Variants in FAM13C observed in about 807,000 individuals in gnomAD.
FAM13C encodes family with sequence similarity 13 member C.
Under a neutral mutation model 73.2 loss-of-function variants are expected in FAM13C, and 37 were observed. That is an observed-to-expected ratio of 0.51 (90% CI 0.39 to 0.67). The LOEUF (loss-of-function observed/expected upper bound fraction) is 0.67, where lower values mean the gene tolerates loss of function less well. FAM13C is among the 30% of genes least tolerant of loss of function. FAM13C has a pLI of 0.00. For missense variants in FAM13C, 589 were observed against 715.6 expected (o/e 0.82, Z 2.02); for synonymous variants, 246 against 260.9 (o/e 0.94, Z 0.55).
chr10:59,303,530 A>G (rs1039969227), intron 4 of FAM13C, among the ~76,000 whole-genome samples: 1 of 152,242 alleles, frequency 6.6e-6, no homozygotes, highest in Non-Finnish European at 1.5e-5. Context: ...TCTGCTGAAG[A>G]CAGCTTATGG....
chr10:59,287,451 C>A (rs899764451), intron 5 of FAM13C, among the ~76,000 whole-genome samples: 1 of 146,686 alleles, frequency 6.8e-6, no homozygotes, highest in African/African-American at 2.5e-5. Flanking sequence ...GGCTAGCATT[C>A]TTTCTTTAAC....
chr10:59,344,179 G>A (rs529559938), intron 3 of FAM13C, among the ~76,000 whole-genome samples: 2 of 151,030 alleles, frequency 1.3e-5, no homozygotes, highest in Non-Finnish European at 2.9e-5. Flanking sequence ...AGCCAGGATG[G>A]TCTCGATTTC....
At chr10:59,338,682 G>A (rs1853088660) in intron 3 of FAM13C, among the ~76,000 whole-genome samples, 1 of 152,148 alleles carries the variant, frequency 6.6e-6, no homozygotes. Context: ...CCCCAAGGTA[G>A]AAGTCCCCAC....
intron 5 of FAM13C, among the ~76,000 whole-genome samples, chr10:59,285,589 C>T (rs1335996746): frequency 1.3e-5 from 2 of 152,186 alleles, no homozygotes; most frequent in Non-Finnish European, 2.9e-5. Context: ...AATTTCATTG[C>T]TGCATATCTA....
intron 3 of FAM13C, among the ~76,000 whole-genome samples, chr10:59,344,116 C>A (rs2446726): frequency 2.2e-4 from 34 of 151,442 alleles, no homozygotes; most frequent in African/African-American, 8.0e-4. Context: ...CACCCGCCAC[C>A]ACGCCCAGCT....
At chr10:59,275,567 T>C (rs1005224021) in intron 6 of FAM13C, among the ~76,000 whole-genome samples, 2 of 152,210 alleles carry the variant, frequency 1.3e-5, no homozygotes, top group Admixed American at 6.5e-5. Flanking sequence ...AAAGTGGTAA[T>C]TGACAACTCT....
In FAM13C at chr10:59,265,335, G is replaced by GGGGGGGGGGA. The variant is rs78422182; in HGVS notation, c.943-1170_943-1169insTCCCCCCCCC. On this transcript the variant is annotated intron_variant, in intron 8 of 13. Transcript: ENST00000618804. Reference sequence around the variant, plus strand: ...AAGGGGTTTTGGCGGGGGGGGGGGGGAATCCTGGTTTCAGGACCATGGACA... The same window carrying GGGGGGGGGGA: ...AAGGGGTTTTGGCGGGGGGGGGGGGGGGGGGGGGGAAATCCTGGTTTCAGGACCATGGACA... 3.1e-4 allele frequency among the ~76,000 whole-genome samples: 5 copies of GGGGGGGGGGA among 16,054 alleles called. 1 individual carries two copies. The highest frequency in any genetic ancestry group is 1.3e-3 in the Admixed American group (1 of 746). The allele number at this position is 16,054 out of a possible 152,430, so 10.5% of individuals were successfully genotyped here.
Position 59,247,447 on chromosome 10 carries a change from C to T in FAM13C, c.*167G>A, listed in dbSNP as rs1840812744. 2.5e-6 allele frequency: 2 copies of T among 793,798 alleles called. No individual in the cohort carries two copies. The highest frequency in any genetic ancestry group is 4.0e-6 in the Non-Finnish European group (2 of 498,866). The allele number at this position is 793,798 out of a possible 1,614,324, so 49.2% of individuals were successfully genotyped here. A position where few individuals can be genotyped will look rare whatever the true frequency, so the allele number is the denominator to read the frequency against. On this transcript the variant is annotated 3_prime_UTR_variant, in exon 14 of 14. Transcript: ENST00000618804. Reference sequence around the variant, plus strand: ...TGTATTCTTCCCCCCGTTTAAATCCCTTCTCCTTGTATATAATTAAACTTG... The same window carrying T: ...TGTATTCTTCCCCCCGTTTAAATCCTTTCTCCTTGTATATAATTAAACTTG...
chr10:59,307,667 G>T (rs146390033), intron 4 of FAM13C, among the ~76,000 whole-genome samples: 1 of 152,078 alleles, frequency 6.6e-6, no homozygotes. Flanking sequence ...ATATTCTCAC[G>T]GAAGGATAAC....
intron 5 of FAM13C, among the ~76,000 whole-genome samples, chr10:59,293,030 T>C (rs913438527): frequency 1.3e-5 from 2 of 151,686 alleles, no homozygotes; most frequent in Admixed American, 6.6e-5. Flanking sequence ...GTAACCACTA[T>C]TCTACTCTCT....
chr10:59,337,132 A>C (rs770006513), intron 3 of FAM13C, among the ~76,000 whole-genome samples: 1 of 152,164 alleles, frequency 6.6e-6, no homozygotes, highest in Non-Finnish European at 1.5e-5. Context: ...ATCTTTTAGC[A>C]CTTTATTTGT....
chr10:59,291,836 T>G (rs1308000467), intron 5 of FAM13C, among the ~76,000 whole-genome samples: 1 of 136,816 alleles, frequency 7.3e-6, no homozygotes, highest in South Asian at 2.4e-4. Flanking sequence ...TCGCCCAGGC[T>G]GGAGTGCAGT....
intron 1 of FAM13C, 115 bp from the exon 2 acceptor site, chr10:59,356,058 C>T (rs997016397): frequency 3.3e-5 from 30 of 908,240 alleles, no homozygotes; most frequent in African/African-American, 1.9e-4. Context: ...GAAACACTCC[C>T]TATCATTCTC....
chr10:59,266,655 G>A (rs774225031), intron 8 of FAM13C, among the ~76,000 whole-genome samples: 2 of 152,156 alleles, frequency 1.3e-5, no homozygotes, highest in Non-Finnish European at 2.9e-5. Flanking sequence ...CCTTCCATAT[G>A]TGTATTTAAG....
chr10:59,325,516 A>G (rs1411504815), intron 3 of FAM13C, among the ~76,000 whole-genome samples: 1 of 152,200 alleles, frequency 6.6e-6, no homozygotes, highest in East Asian at 1.9e-4. Flanking sequence ...CTAGTCCCCT[A>G]GACTTCGTAG....
At position 59,247,176 on chromosome 10, in the gene FAM13C, A is replaced by G. The variant is rs891904859; in HGVS notation, c.*438T>C. 6.2e-6 allele frequency: 1 copy of G among 162,110 alleles called. No individual in the cohort carries two copies. The highest frequency in any genetic ancestry group is 2.4e-5 in the African/African-American group (1 of 41,652). 10.0% of individuals were successfully genotyped at this position (162,110 alleles called of 1,614,324 possible). On this transcript the variant is annotated 3_prime_UTR_variant, in exon 14 of 14. Coordinates refer to ENST00000618804, the MANE Select transcript of FAM13C (RefSeq NM_198215.4). ...AATAAATTGCTTTCTTGCTAGCTGTATTCCTTCCTACTTGAAAAGCGAATT... is the reference window on the plus strand; with the variant it reads ...AATAAATTGCTTTCTTGCTAGCTGTGTTCCTTCCTACTTGAAAAGCGAATT...
At chr10:59,251,384 C>G in intron 13 of FAM13C, 191 bp downstream of exon 13, 1 of 588,138 alleles carries the variant, frequency 1.7e-6, no homozygotes, top group Non-Finnish European at 3.0e-6. Flanking sequence ...CTGACAGCTA[C>G]CATGTCCCAT....
chr10:59,300,094 A>G (rs558399176), intron 5 of FAM13C, among the ~76,000 whole-genome samples: 1 of 152,186 alleles, frequency 6.6e-6, no homozygotes, highest in Non-Finnish European at 1.5e-5. Flanking sequence ...GAGACAACAT[A>G]CATGGATACG....
At chr10:59,359,567 C>T (rs1363517860) in intron 1 of FAM13C, among the ~76,000 whole-genome samples, 1 of 152,228 alleles carries the variant, frequency 6.6e-6, no homozygotes, top group East Asian at 1.9e-4. Context: ...TTAGCACTAC[C>T]TGAAGTACCT....
Sources: gnomAD v4.1 joint callset for allele counts (sites outside exome capture counted in the v4.1 genomes callset) on GRCh38, gnomAD v4.1.1 for gene constraint, MANE v1.5 for transcripts, NCBI Gene and HGNC (gene_info 2026-07-23, HGNC 2026-07-21) for gene names.